The following SLC38A4 variants were observed in gnomAD, a reference collection of about 807,000 sequenced individuals.
SLC38A4 encodes the protein solute carrier family 38 member 4.
In SLC38A4, 20 loss-of-function variants were observed where a neutral mutation model predicts 63.1. The ratio of observed to expected loss-of-function variants is 0.32; its 90% CI spans 0.22 to 0.46. The LOEUF (loss-of-function observed/expected upper bound fraction) is 0.46. SLC38A4 is among the 20% of genes least tolerant of loss of function. The pLI, the probability that SLC38A4 is intolerant of heterozygous loss-of-function variation, is 1.00. For synonymous variants in SLC38A4, 230 were observed against 225.5 expected (o/e 1.02, Z -0.18); for missense variants, 526 against 663.6 (o/e 0.79, Z 2.28).
chr12:46,775,553 T>C (rs966052618), intron 13 of SLC38A4, among the ~76,000 whole-genome samples: 1 of 151,970 alleles, frequency 6.6e-6, no homozygotes, highest in Non-Finnish European at 1.5e-5. Flanking sequence ...CCCCTGTCCC[T>C]ACCTGCGCAG....
upstream of SLC38A4, among the ~76,000 whole-genome samples, chr12:46,826,849 A>G (rs1939663270): frequency 6.6e-6 from 1 of 152,240 alleles, no homozygotes. Context: ...TTGACTATAA[A>G]CAATGCACAA....
chr12:46,824,142 T>C (rs1291576480), intron 1 of SLC38A4, among the ~76,000 whole-genome samples: 2 of 152,224 alleles, frequency 1.3e-5, no homozygotes, highest in African/African-American at 2.4e-5. Flanking sequence ...TGGCAGTATG[T>C]GTCTGAGCAT....
chr12:46,783,668 G>A (rs977828536), intron 7 of SLC38A4, among the ~76,000 whole-genome samples: 8 of 152,164 alleles, frequency 5.3e-5, no homozygotes, highest in East Asian at 3.9e-4. Flanking sequence ...AAACATTTAC[G>A]CTGACATCCA....
At chr12:46,830,627 G>A (rs1028606227), upstream of SLC38A4, among the ~76,000 whole-genome samples, 2 of 152,136 alleles carry the variant, frequency 1.3e-5, no homozygotes, top group Non-Finnish European at 2.9e-5. Flanking sequence ...TTTAAGGTGA[G>A]AAACTGCCTG....
intron 1 of SLC38A4, among the ~76,000 whole-genome samples, chr12:46,810,534 G>A (rs1592193414): frequency 6.6e-6 from 1 of 150,926 alleles, no homozygotes; most frequent in Middle Eastern, 3.5e-3. Flanking sequence ...AGAACTTACA[G>A]TATAATATAA....
At chr12:46,767,422 G>A (rs1592172378) in intron 16 of SLC38A4, among the ~76,000 whole-genome samples, 1 of 152,018 alleles carries the variant, frequency 6.6e-6, no homozygotes, top group East Asian at 1.9e-4. Flanking sequence ...ACTAGAATGG[G>A]TCTAGGAGAT....
At chr12:46,776,435 A>C (rs1424152087) in intron 13 of SLC38A4, among the ~76,000 whole-genome samples, 1 of 152,078 alleles carries the variant, frequency 6.6e-6, no homozygotes, top group Admixed American at 6.6e-5. Flanking sequence ...ATATGTCAGA[A>C]ATTTTACCTA....
At chr12:46,821,712 T>C (rs1939554097) in intron 1 of SLC38A4, among the ~76,000 whole-genome samples, 1 of 152,138 alleles carries the variant, frequency 6.6e-6, no homozygotes, top group Non-Finnish European at 1.5e-5. Context: ...TGATTATTTT[T>C]CCTATTTCTG....
At chr12:46,768,537 A>C in intron 15 of SLC38A4, 130 bp from the exon 16 acceptor site, 1 of 516,230 alleles carries the variant, frequency 1.9e-6, no homozygotes, top group South Asian at 3.5e-5. Flanking sequence ...CACACACTTA[A>C]GTCACATAAG....
chr12:46,773,265 T>C (rs1938454791), intron 14 of SLC38A4, among the ~76,000 whole-genome samples: 1 of 152,176 alleles, frequency 6.6e-6, no homozygotes, highest in Non-Finnish European at 1.5e-5. Flanking sequence ...CAAGATTCAT[T>C]TGAAGACCAT....
intron 12 of SLC38A4, among the ~76,000 whole-genome samples, chr12:46,777,371 CT>C (rs1938550827): frequency 6.6e-6 from 1 of 151,884 alleles, no homozygotes; most frequent in Non-Finnish European, 1.5e-5. Context: ...GGAAAAGAAC[CT>C]AGTAGAGTCA....
upstream of SLC38A4, among the ~76,000 whole-genome samples, chr12:46,829,641 A>G (rs1240753771): frequency 6.6e-6 from 1 of 152,166 alleles, no homozygotes; most frequent in Non-Finnish European, 1.5e-5. Flanking sequence ...TGTCACTTAT[A>G]TAGAAAAAAG....
intron 3 of SLC38A4, among the ~76,000 whole-genome samples, chr12:46,791,698 T>C (rs893100834): frequency 6.6e-6 from 1 of 152,136 alleles, no homozygotes; most frequent in African/African-American, 2.4e-5. Context: ...ATGTGGCAGG[T>C]GGTGGGACCA....
chr12:46,780,228 T>C (rs1423333005), intron 7 of SLC38A4, among the ~76,000 whole-genome samples, 198 bp from the exon 8 acceptor site: 1 of 152,050 alleles, frequency 6.6e-6, no homozygotes, highest in African/African-American at 2.4e-5. Flanking sequence ...TGGACCTTTG[T>C]TAACAGTATC....
intron 1 of SLC38A4, among the ~76,000 whole-genome samples, chr12:46,817,982 G>C (rs984592943): frequency 6.6e-6 from 1 of 151,770 alleles, no homozygotes; most frequent in South Asian, 2.1e-4. Flanking sequence ...TGTTAAATTT[G>C]CTTATTTTTT....
chr12:46,776,875 T>C (rs957345596), intron 13 of SLC38A4, 29 bp downstream of exon 13: 3 of 1,590,754 alleles, frequency 1.9e-6, no homozygotes, highest in African/African-American at 2.7e-5. Flanking sequence ...AGGATTTGCA[T>C]ATAGAGAATG....
chr12:46,771,958 C>T (rs1405833413), intron 14 of SLC38A4, among the ~76,000 whole-genome samples: 2 of 152,022 alleles, frequency 1.3e-5, no homozygotes, highest in African/African-American at 4.8e-5. Flanking sequence ...GGGCCTCTGA[C>T]CCACAATGAT....
rs1323493891 is a variant in SLC38A4 at position 46,781,845 on chromosome 12, A to G, written c.494-1815T>C. On this transcript the variant is annotated intron_variant, in intron 7 of 16. Transcript: ENST00000266579. ...CACTCAACTTCTTGAGTCCAGGGTT[A>G]ATTATGCTTATGCCTGGTTATTTCA... Among the ~76,000 whole-genome samples the G allele has an allele frequency of 3.3e-5, 5 of 152,134 alleles. No homozygotes were observed. In the East Asian group the frequency reaches 9.7e-4, roughly 30 times the overall value.
intron 12 of SLC38A4, among the ~76,000 whole-genome samples, chr12:46,777,253 G>A (rs565141121): frequency 5.3e-4 from 81 of 151,996 alleles, no homozygotes; most frequent in Admixed American, 1.2e-3. Flanking sequence ...TCTATTTCAC[G>A]TAGGTCAGTA....
Sources: gnomAD v4.1 joint callset for allele counts (sites outside exome capture counted in the v4.1 genomes callset) on GRCh38, gnomAD v4.1.1 for gene constraint, MANE v1.5 for transcripts, NCBI Gene and HGNC (gene_info 2026-07-23, HGNC 2026-07-21) for gene names.